CSNK1G3: variants seen among roughly 807,000 people sequenced by gnomAD.
CSNK1G3 encodes the protein casein kinase 1 gamma 3.
CSNK1G3 carries 23 observed loss-of-function variants against 64.3 expected under a neutral mutation model. That is an observed-to-expected ratio of 0.36 (90% CI 0.26 to 0.51). CSNK1G3 has a LOEUF of 0.51. Ranked by LOEUF, CSNK1G3 falls within the 20% of genes least tolerant of loss-of-function variation. CSNK1G3 has a pLI of 0.96. For synonymous variants in CSNK1G3, 158 were observed against 162.2 expected, an observed-to-expected ratio of 0.97 and a Z score of 0.20; for missense variants, 357 against 510.5, an observed-to-expected ratio of 0.70 and a Z score of 2.90.
chr5:123,563,346 C>T (rs1786163307), intron 4 of CSNK1G3, among the ~76,000 whole-genome samples: 1 of 151,972 alleles, frequency 6.6e-6, no homozygotes, highest in South Asian at 2.1e-4. Context: ...GCCACAGGTG[C>T]TGTTACTGAA....
chr5:123,597,262 C>A (rs2151058431), intron 10 of CSNK1G3, among the ~76,000 whole-genome samples: 1 of 152,184 alleles, frequency 6.6e-6, no homozygotes, highest in East Asian at 1.9e-4. Context: ...CAAGCATTGG[C>A]TTTACAGGAG....
chr5:123,601,031 T>C (rs1366760668), intron 10 of CSNK1G3, among the ~76,000 whole-genome samples: 1 of 152,114 alleles, frequency 6.6e-6, no homozygotes, highest in African/African-American at 2.4e-5. Flanking sequence ...TTTTTTGAAA[T>C]GTCAAACCTC....
chr5:123,578,107 T>C (rs185218027), intron 6 of CSNK1G3, among the ~76,000 whole-genome samples: 1 of 152,136 alleles, frequency 6.6e-6, no homozygotes, highest in Non-Finnish European at 1.5e-5. Flanking sequence ...CATTTGAATG[T>C]TGATGGATAT....
At chr5:123,553,294 G>A in intron 3 of CSNK1G3, 147 bp downstream of exon 3, 1 of 417,160 alleles carries the variant, frequency 2.4e-6, no homozygotes, top group Non-Finnish European at 4.3e-6. Context: ...TTGTTGCTAA[G>A]CTCCTAACAT....
At chr5:123,567,438 T>C (rs1182249045) in intron 4 of CSNK1G3, among the ~76,000 whole-genome samples, 1 of 152,016 alleles carries the variant, frequency 6.6e-6, no homozygotes, top group Non-Finnish European at 1.5e-5. Flanking sequence ...CTGTCTCTAC[T>C]AAAAATACAA....
intron 1 of CSNK1G3, among the ~76,000 whole-genome samples, chr5:123,523,074 T>C (rs1046346152): frequency 6.6e-6 from 1 of 152,178 alleles, no homozygotes; most frequent in African/African-American, 2.4e-5. Flanking sequence ...ATTTACAATA[T>C]CATTGAGCTG....
At chr5:123,580,122 TTTTAATTTG>T (rs1265403618) in intron 6 of CSNK1G3, among the ~76,000 whole-genome samples, 2 of 151,898 alleles carry the variant, frequency 1.3e-5, no homozygotes, top group East Asian at 3.9e-4. Context: ...TTTAATGTGA[TTTTAATTTG>T]TGCGTATCTT....
intron 6 of CSNK1G3, among the ~76,000 whole-genome samples, chr5:123,587,473 T>TACA (rs780793449): frequency 1.3e-5 from 2 of 152,232 alleles, no homozygotes; most frequent in Non-Finnish European, 2.9e-5. Context: ...GACATTTTGT[T>TACA]ACAACAACAA....
At chr5:123,534,176 A>G (rs1780426358) in intron 1 of CSNK1G3, among the ~76,000 whole-genome samples, 1 of 152,130 alleles carries the variant, frequency 6.6e-6, no homozygotes. Context: ...ACAGGCAATT[A>G]TAAAACTGCA....
intron 1 of CSNK1G3, among the ~76,000 whole-genome samples, chr5:123,517,115 G>A (rs1018731799): frequency 2.0e-5 from 3 of 152,122 alleles, no homozygotes; most frequent in African/African-American, 4.8e-5. Flanking sequence ...GGATTGGTGG[G>A]TAGACAAGCA....
rs182784355 is a variant in CSNK1G3 at position 123,611,847 on chromosome 5, T to C, written c.1218-2495T>C. 3.9e-5 allele frequency among the ~76,000 whole-genome samples: 6 copies of C among 152,332 alleles called. No homozygotes were observed. In the East Asian group the frequency reaches 1.2e-3, roughly 29 times the overall value. ...TCTGTCACTTCTAAATACCTATTTT[T>C]ATGTCTTGCTTTCTGCTATTTGGAT... On this transcript the variant is annotated intron_variant, in intron 12 of 12. Transcript: ENST00000345990.
At chr5:123,595,230 A>G in intron 10 of CSNK1G3, 96 bp downstream of exon 11, 1 of 1,146,928 alleles carries the variant, frequency 8.7e-7, no homozygotes, top group Non-Finnish European at 1.3e-6. Flanking sequence ...TCTTAATGGA[A>G]AATTTGTTGC....
chr5:123,557,976 A>G (rs1206701346), intron 4 of CSNK1G3, among the ~76,000 whole-genome samples: 1 of 152,148 alleles, frequency 6.6e-6, no homozygotes, highest in Non-Finnish European at 1.5e-5. Flanking sequence ...ATGATAAATT[A>G]AGGATTTTGA....
At chr5:123,566,520 T>C (rs1012254039) in intron 4 of CSNK1G3, among the ~76,000 whole-genome samples, 1 of 152,214 alleles carries the variant, frequency 6.6e-6, no homozygotes, top group Non-Finnish European at 1.5e-5. Context: ...TCTTTTTCCT[T>C]ACCTCTCCCA....
intron 10 of CSNK1G3, among the ~76,000 whole-genome samples, chr5:123,600,350 G>A (rs560079822): frequency 5.3e-5 from 8 of 152,152 alleles, no homozygotes; most frequent in African/African-American, 1.7e-4. Context: ...GACAGGAGGG[G>A]CGTGGTGGCT....
At chr5:123,518,603 A>G (rs1400859760) in intron 1 of CSNK1G3, among the ~76,000 whole-genome samples, 2 of 152,188 alleles carry the variant, frequency 1.3e-5, no homozygotes, top group African/African-American at 4.8e-5. Flanking sequence ...GCCTACCAAC[A>G]TATTTTTCTC....
chr5:123,580,867 T>G (rs931062903), intron 6 of CSNK1G3, among the ~76,000 whole-genome samples: 2 of 151,852 alleles, frequency 1.3e-5, no homozygotes, highest in Non-Finnish European at 3.0e-5. Flanking sequence ...AAACTAGGAT[T>G]TGAGGGATAA....
chr5:123,521,408 A>T (rs927465554), intron 1 of CSNK1G3, among the ~76,000 whole-genome samples: 1 of 152,142 alleles, frequency 6.6e-6, no homozygotes, highest in Non-Finnish European at 1.5e-5. Flanking sequence ...TTTGTAGTTA[A>T]TAAAGTATCA....
exon 11 of CSNK1G3, chr5:123,604,815 T>C (rs1451219767): frequency 1.2e-6 from 2 of 1,607,986 alleles, no homozygotes; most frequent in Admixed American, 1.7e-5. Flanking sequence ...GAAGTAGAAG[T>C]GATGGATGAA....
Sources: gnomAD v4.1 joint callset for allele counts (sites outside exome capture counted in the v4.1 genomes callset) on GRCh38, gnomAD v4.1.1 for gene constraint, MANE v1.5 for transcripts, NCBI Gene and HGNC (gene_info 2026-07-23, HGNC 2026-07-21) for gene names.